CBFB: variants seen among roughly 807,000 people sequenced by gnomAD.
The protein encoded by CBFB is core-binding factor subunit beta.
Under a neutral mutation model 30.4 loss-of-function variants are expected in CBFB, and 9 were observed. The ratio of observed to expected loss-of-function variants is 0.30; its 90% CI spans 0.18 to 0.52. The LOEUF (loss-of-function observed/expected upper bound fraction) is 0.52. CBFB is among the 20% of genes least tolerant of loss of function. The pLI, the probability that CBFB is intolerant of heterozygous loss-of-function variation, is 0.97. For missense variants in CBFB, 170 were observed against 244.0 expected, an observed-to-expected ratio of 0.70 and a Z score of 2.02; for synonymous variants, 94 against 84.0, an observed-to-expected ratio of 1.12 and a Z score of -0.65.
At chr16:67,077,172 T>G (rs1445967378) in intron 4 of CBFB, among the ~76,000 whole-genome samples, 1 of 152,224 alleles carries the variant, frequency 6.6e-6, no homozygotes, top group South Asian at 2.1e-4. Flanking sequence ...ATCTTCATTG[T>G]TGTACTTTTT....
At chr16:67,037,962 C>T (rs1014675820) in intron 3 of CBFB, among the ~76,000 whole-genome samples, 1 of 152,014 alleles carries the variant, frequency 6.6e-6, no homozygotes, top group Non-Finnish European at 1.5e-5. Context: ...AGCTACTGCA[C>T]CTGGCCTGGT....
chr16:67,029,201 G>T lies in CBFB; in HGVS notation c.-207G>T. ...AGGCAACGGCTGAGGCGGCGGCGGC[G>T]GCGGCGGCGGCGTGGGTTGGGCTCG... On this transcript the variant is annotated 5_prime_UTR_variant, in exon 1 of 6. Coordinates refer to ENST00000412916, the MANE Select transcript of CBFB (RefSeq NM_022845.3). 4.4e-6 allele frequency: 1 copy of T among 226,964 alleles called. No homozygotes were observed. The highest frequency in any genetic ancestry group is 8.1e-6 in the Non-Finnish European group (1 of 123,368). The allele number at this position is 226,964 out of a possible 1,614,324, so 14.1% of individuals were successfully genotyped here. A position where few individuals can be genotyped will look rare whatever the true frequency, so the allele number is the denominator to read the frequency against.
chr16:67,079,871 A>G (rs1187334899), intron 4 of CBFB, among the ~76,000 whole-genome samples: 3 of 152,168 alleles, frequency 2.0e-5, no homozygotes, highest in Non-Finnish European at 4.4e-5. Context: ...TTCTGGCCAG[A>G]CACAGTGGCT....
At chr16:67,097,545 C>CAAAAA in intron 5 of CBFB, among the ~76,000 whole-genome samples, 1 of 48,904 alleles carries the variant, frequency 2.0e-5, no homozygotes, top group Non-Finnish European at 4.3e-5. Flanking sequence ...AACTCCGTCT[C>CAAAAA]AAAAAAAAAA....
chr16:67,032,142 T>TA (rs1241078802), intron 2 of CBFB, among the ~76,000 whole-genome samples: 4 of 151,862 alleles, frequency 2.6e-5, no homozygotes, highest in African/African-American at 9.7e-5. Context: ...GCTGTAATAT[T>TA]ATAGTAGTAG....
chr16:67,081,153 G>A (rs917390831), intron 4 of CBFB, among the ~76,000 whole-genome samples: 1 of 113,080 alleles, frequency 8.8e-6, no homozygotes, highest in African/African-American at 3.6e-5. Flanking sequence ...ACAGTCCCCA[G>A]AGTGTGATGT....
At chr16:67,029,876 C>A in intron 2 of CBFB, 63 bp downstream of exon 2, 1 of 1,193,388 alleles carries the variant, frequency 8.4e-7, no homozygotes. Flanking sequence ...GCGGCCCAGG[C>A]CGGTTCCGGA....
intron 5 of CBFB, among the ~76,000 whole-genome samples, chr16:67,096,729 C>T (rs1372719664): frequency 2.0e-5 from 3 of 151,918 alleles, no homozygotes; most frequent in Admixed American, 2.0e-4. Context: ...AATCCCAGCA[C>T]TTTGGGAGGC....
At chr16:67,068,865 TTAAG>T (rs1241443739) in intron 4 of CBFB, among the ~76,000 whole-genome samples, 1 of 152,180 alleles carries the variant, frequency 6.6e-6, no homozygotes, top group African/African-American at 2.4e-5. Flanking sequence ...CAGTGACTAA[TTAAG>T]TAGAGTATAT....
intron 4 of CBFB, among the ~76,000 whole-genome samples, chr16:67,068,284 G>T (rs1175642683): frequency 6.6e-6 from 1 of 152,118 alleles, no homozygotes; most frequent in Non-Finnish European, 1.5e-5. Context: ...TTAAAGACCA[G>T]CCTGGGCAAC....
At chr16:67,077,485 A>G in intron 4 of CBFB, among the ~76,000 whole-genome samples, 1 of 152,252 alleles carries the variant, frequency 6.6e-6, no homozygotes, top group Non-Finnish European at 1.5e-5. Context: ...TTGATGTGTT[A>G]AATGTACCAT....
intron 3 of CBFB, among the ~76,000 whole-genome samples, chr16:67,039,240 G>A (rs1966491891): frequency 6.6e-6 from 1 of 152,126 alleles, no homozygotes; most frequent in South Asian, 2.1e-4. Flanking sequence ...ACTGAATACT[G>A]TAGTCAACTG....
chr16:67,079,343 C>T (rs926704401), intron 4 of CBFB, among the ~76,000 whole-genome samples: 8 of 152,114 alleles, frequency 5.3e-5, no homozygotes, highest in African/African-American at 1.9e-4. Flanking sequence ...AATTTGATTA[C>T]ATCTTTCCAT....
At chr16:67,092,102 T>G (rs971011555) in intron 5 of CBFB, among the ~76,000 whole-genome samples, 2 of 151,864 alleles carry the variant, frequency 1.3e-5, no homozygotes, top group Non-Finnish European at 2.9e-5. Context: ...GACATTCCCT[T>G]CCCTGTGTGT....
In CBFB at chr16:67,042,570, G is replaced by A. The variant is rs577745563; in HGVS notation, c.282+5815G>A. On this transcript the variant is annotated intron_variant, in intron 3 of 5. Transcript: ENST00000412916. The stretch of plus-strand genomic sequence containing the variant: ...AACCTGGGACTGACTGCACTGGGTG[G>A]TTCTGCCTCAGTGTCTCTCATGAGG... Among the ~76,000 whole-genome samples, 25 of 152,302 alleles carry A rather than the reference G, an allele frequency of 1.6e-4. No individual in the cohort carries two copies. In the South Asian group the frequency reaches 5.2e-3, roughly 32 times the overall value.
At chr16:67,041,732 TGTG>T (rs2145719923) in intron 3 of CBFB, among the ~76,000 whole-genome samples, 1 of 151,300 alleles carries the variant, frequency 6.6e-6, no homozygotes, top group East Asian at 1.9e-4. Flanking sequence ...CATGTGAGGT[TGTG>T]GTGGGAGCTT....
chr16:67,058,179 C>T lies in CBFB; in HGVS notation c.283-8503C>T, dbSNP rs774278373. Among the ~76,000 whole-genome samples, 4 of 151,714 alleles carry T rather than the reference C, an allele frequency of 2.6e-5. No individual in the cohort carries two copies. The South Asian group carries it at 6.2e-4, about 24-fold the overall frequency. ...TTGTTGAGATGGAGTCTTGCTCTGTCGCCCAGGCTGGAGTGCAGTGGCACC... is the reference window on the plus strand; with the variant it reads ...TTGTTGAGATGGAGTCTTGCTCTGTTGCCCAGGCTGGAGTGCAGTGGCACC... On this transcript the variant is annotated intron_variant, in intron 3 of 5. Transcript: ENST00000412916.
intron 2 of CBFB, among the ~76,000 whole-genome samples, chr16:67,034,867 T>G (rs1597121375): frequency 6.6e-6 from 1 of 152,254 alleles, no homozygotes; most frequent in Admixed American, 6.5e-5. Context: ...CTTGTTGAGC[T>G]TAAAGTTATT....
intron 3 of CBFB, 78 bp downstream of exon 3, chr16:67,036,833 A>G: frequency 1.2e-6 from 1 of 837,848 alleles, no homozygotes. Context: ...CATTTTAATA[A>G]AGATCACAGA....
Sources: gnomAD v4.1 joint callset for allele counts (sites outside exome capture counted in the v4.1 genomes callset) on GRCh38, gnomAD v4.1.1 for gene constraint, MANE v1.5 for transcripts, NCBI Gene and HGNC (gene_info 2026-07-23, HGNC 2026-07-21) for gene names.